Variants in DCDC1 observed in about 807,000 individuals in gnomAD.
DCDC1 encodes doublecortin domain-containing protein 1.
Under a neutral mutation model 178.3 loss-of-function variants are expected in DCDC1, and 200 were observed. The ratio of observed to expected loss-of-function variants is 1.12; its 90% CI spans 1.00 to 1.26. The LOEUF (loss-of-function observed/expected upper bound fraction) is 1.26. Ranked by LOEUF, DCDC1 falls within the 50% of genes most tolerant of loss-of-function variation. The pLI, the probability that DCDC1 is intolerant of heterozygous loss-of-function variation, is 0.00. For missense variants in DCDC1, 1,983 were observed against 1,749.2 expected (o/e 1.13, Z -2.38); for synonymous variants, 690 against 604.8 (o/e 1.14, Z -2.07).
At chr11:31,079,343 C>A (rs1299515510) in intron 17 of DCDC1, among the ~76,000 whole-genome samples, 2 of 152,200 alleles carry the variant, frequency 1.3e-5, no homozygotes, top group African/African-American at 2.4e-5. Flanking sequence ...AGGACACTTC[C>A]AGACCTTGCC....
In DCDC1 at chr11:30,969,560, C is replaced by T. The variant is rs538461169; in HGVS notation, c.2592-16992G>A. ...TTGTTTTAAGTCACCAAGTTTGAGG[C>T]AGTTTGTTACACCAGCCAAAGGAAA... On this transcript the variant is annotated intron_variant, in intron 20 of 38. Transcript: ENST00000684477. 6.6e-5 allele frequency among the ~76,000 whole-genome samples: 10 copies of T among 152,202 alleles called. No individual in the cohort carries two copies. The South Asian group carries it at 2.1e-3, about 32-fold the overall frequency.
rs1003401854 is a variant in DCDC1 at position 31,306,263 on chromosome 11, A to G, written c.560T>C (p.Phe187Ser). ...GATGGTTGGTACAGTAACTCTGGCA[A>G]AGACTGTTCTAGATCCATTTTTGTA... ...TAYKNGSRTV[F>S]ARVTVPTITL... The change falls in exon 5 of 39, where the codon TTT (phenylalanine) becomes TCT (serine). Residue 187 changes from phenylalanine (F) to serine (S), a missense_variant. Phe to Ser is a radical substitution (Grantham distance 155, BLOSUM62 -2). Coordinates refer to ENST00000684477, the MANE Select transcript of DCDC1 (RefSeq NM_001387274.1). 1 of 1,599,308 alleles carries G rather than the reference A, an allele frequency of 6.3e-7. No homozygotes were observed. The highest frequency in any genetic ancestry group is 1.3e-5 in the African/African-American group (1 of 74,244).
intron 1 of DCDC1, among the ~76,000 whole-genome samples, chr11:31,352,929 A>G (rs1448757071): frequency 1.3e-5 from 2 of 152,218 alleles, no homozygotes; most frequent in African/African-American, 4.8e-5. Context: ...TGCAATTAGA[A>G]TGACTATTTT....
At chr11:31,102,388 C>A in intron 14 of DCDC1, 106 bp from the exon 15 acceptor site, 1 of 466,982 alleles carries the variant, frequency 2.1e-6, no homozygotes, top group Non-Finnish European at 3.9e-6. Flanking sequence ...ATGTATACTC[C>A]ATTACTAATA....
At chr11:31,194,174 A>C (rs576682647) in intron 9 of DCDC1, among the ~76,000 whole-genome samples, 22 of 152,120 alleles carry the variant, frequency 1.4e-4, no homozygotes, top group Non-Finnish European at 3.1e-4. Flanking sequence ...TTTTTTCAGC[A>C]TATCACAAGC....
intron 9 of DCDC1, among the ~76,000 whole-genome samples, chr11:31,158,106 T>A (rs1965915021): frequency 6.6e-6 from 1 of 151,906 alleles, no homozygotes. Context: ...TTATTTTATT[T>A]TATTATATTT....
chr11:31,180,539 G>GCTTCAGC lies in DCDC1; in HGVS notation c.1222-42756_1222-42755insGCTGAAG, dbSNP rs1215143486. Among the ~76,000 whole-genome samples the GCTTCAGC allele has an allele frequency of 7.9e-5, 12 of 152,258 alleles. 1 individual carries two copies. Among genetic ancestry groups the GCTTCAGC allele is most frequent in the Admixed American group, 6.5e-4 (10 of 15,300 alleles). ...TGGGACGGGTTAGACAGTGGGAGCA[G>GCTTCAGC]ACCATGGAGGGTGAGCTGAAGCAGG... On this transcript the variant is annotated intron_variant, in intron 9 of 38. Transcript: ENST00000684477.
chr11:31,367,032 A>T (rs1401730970), intron 1 of DCDC1, among the ~76,000 whole-genome samples: 2 of 152,234 alleles, frequency 1.3e-5, no homozygotes, highest in Non-Finnish European at 2.9e-5. Flanking sequence ...GCAGTGGCGC[A>T]TGCCTGTAAT....
At chr11:31,263,523 G>A (rs552762036) in intron 8 of DCDC1, among the ~76,000 whole-genome samples, 1 of 152,210 alleles carries the variant, frequency 6.6e-6, no homozygotes, top group African/African-American at 2.4e-5. Context: ...ATAAAAACAT[G>A]TAATAAAATG....
chr11:31,215,916 G>C (rs1460515762), intron 9 of DCDC1, among the ~76,000 whole-genome samples: 1 of 152,152 alleles, frequency 6.6e-6, no homozygotes, highest in Non-Finnish European at 1.5e-5. Context: ...TTAATGCTCT[G>C]GGGAAAGAGT....
intron 1 of DCDC1, among the ~76,000 whole-genome samples, chr11:31,357,553 C>T (rs1951449335): frequency 6.6e-6 from 1 of 152,188 alleles, no homozygotes; most frequent in South Asian, 2.1e-4. Flanking sequence ...TCTCTCACCA[C>T]TCCTATTCAA....
chr11:31,328,402 C>A (rs377537863), intron 2 of DCDC1, 116 bp from the exon 3 acceptor site: 8 of 996,576 alleles, frequency 8.0e-6, no homozygotes, highest in African/African-American at 4.9e-5. Flanking sequence ...GACCATATAG[C>A]AATGATTAAA....
intron 22 of DCDC1, among the ~76,000 whole-genome samples, chr11:30,926,983 C>A (rs1351183405): frequency 6.6e-6 from 1 of 152,124 alleles, no homozygotes; most frequent in Non-Finnish European, 1.5e-5. Flanking sequence ...AGCTCCACAG[C>A]AGTGGAGCTC....
chr11:31,072,824 A>T (rs990108442), intron 18 of DCDC1, among the ~76,000 whole-genome samples: 2 of 152,150 alleles, frequency 1.3e-5, no homozygotes, highest in African/African-American at 2.4e-5. Flanking sequence ...AAAGGCCAGG[A>T]TCTGTGCCAA....
At chr11:31,107,019 A>G in intron 12 of DCDC1, 59 bp from the exon 13 acceptor site, 1 of 689,444 alleles carries the variant, frequency 1.5e-6, no homozygotes, top group African/African-American at 1.8e-5. Context: ...TAAAATGGGA[A>G]CATCTGTAAT....
At chr11:31,066,276 A>T (rs570765028) in intron 18 of DCDC1, among the ~76,000 whole-genome samples, 40 of 152,294 alleles carry the variant, frequency 2.6e-4, no homozygotes, top group African/African-American at 9.1e-4. Flanking sequence ...ATAACAATAA[A>T]TTTGCATTTT....
At chr11:30,945,609 C>G (rs188064957) in intron 21 of DCDC1, among the ~76,000 whole-genome samples, 258 of 152,038 alleles carry the variant, frequency 1.7e-3, no homozygotes, top group African/African-American at 6.0e-3. Context: ...AGGAGAATCG[C>G]TTGAACCCAG....
intron 20 of DCDC1, among the ~76,000 whole-genome samples, chr11:31,057,514 G>T (rs1292211663): frequency 6.6e-6 from 1 of 151,980 alleles, no homozygotes; most frequent in Admixed American, 6.6e-5. Context: ...ATATAAAATA[G>T]TAAAATGAGT....
chr11:30,998,958 T>C (rs914124300), intron 20 of DCDC1, among the ~76,000 whole-genome samples: 11 of 152,168 alleles, frequency 7.2e-5, no homozygotes, highest in African/African-American at 2.7e-4. Context: ...CCCCCTGATA[T>C]AATGCAATAA....
Sources: gnomAD v4.1 joint callset for allele counts (sites outside exome capture counted in the v4.1 genomes callset) on GRCh38, gnomAD v4.1.1 for gene constraint, MANE v1.5 for transcripts, NCBI Gene and HGNC (gene_info 2026-07-23, HGNC 2026-07-21) for gene names.